The following STOX2 variants were observed in gnomAD, a reference collection of about 807,000 sequenced individuals.
STOX2 encodes storkhead box 2.
STOX2 carries 28 observed loss-of-function variants against 60.9 expected under a neutral mutation model. The observed-to-expected ratio is 0.46, with a 90% CI of 0.34 to 0.63. STOX2 has a LOEUF of 0.63. Ranked by LOEUF, STOX2 falls within the 30% of genes least tolerant of loss-of-function variation. The pLI, the probability that STOX2 is intolerant of heterozygous loss-of-function variation, is 0.01. For missense variants in STOX2, 1,024 were observed against 1,187.7 expected, an observed-to-expected ratio of 0.86 and a Z score of 2.03; for synonymous variants, 472 against 463.9, an observed-to-expected ratio of 1.02 and a Z score of -0.22.
intron 1 of STOX2, among the ~76,000 whole-genome samples, chr4:183,886,324 G>GA (rs1276420829): frequency 4.3e-4 from 64 of 148,492 alleles, no homozygotes; most frequent in East Asian, 8.1e-4. Flanking sequence ...GCAAGATCAG[G>GA]GTCACTAGGA....
chr4:183,877,716 T>C (rs889287521), intron 1 of STOX2, among the ~76,000 whole-genome samples: 1 of 152,186 alleles, frequency 6.6e-6, no homozygotes, highest in African/African-American at 2.4e-5. Flanking sequence ...AATCTCGCTC[T>C]GTCTCCCAGG....
intron 1 of STOX2, among the ~76,000 whole-genome samples, chr4:183,915,183 G>A (rs991729577): frequency 6.6e-6 from 1 of 152,184 alleles, no homozygotes; most frequent in Admixed American, 6.5e-5. Context: ...TGGGCAGTCG[G>A]GGTAGCAGGA....
Position 183,865,241 on chromosome 4 carries a change from A to C in STOX2, c.364+67186A>C, listed in dbSNP as rs1290875399. Among the ~76,000 whole-genome samples, 1 of 152,228 alleles carries C rather than the reference A, an allele frequency of 6.6e-6. No homozygotes were observed. The highest frequency in any genetic ancestry group is 1.5e-5 in the Non-Finnish European group (1 of 68,040). On this transcript the variant is annotated intron_variant, in intron 1 of 2. Transcript: ENST00000513034. This position sits in a 1 kb window ranked among gnomAD's most constrained non-coding sequence, Gnocchi z 4.1. ...TTGTACACAGCACAAACTCCATTGAATGAAAAAAATAGTTTATATTTTGTT... is the reference window on the plus strand; with the variant it reads ...TTGTACACAGCACAAACTCCATTGACTGAAAAAAATAGTTTATATTTTGTT...
At chr4:183,834,348 G>A (rs1466535149) in intron 1 of STOX2, among the ~76,000 whole-genome samples, 1 of 152,150 alleles carries the variant, frequency 6.6e-6, no homozygotes, top group Non-Finnish European at 1.5e-5. Context: ...TGATCAACCT[G>A]TGACTACCTT....
chr4:183,816,206 C>T (rs1471076142), intron 1 of STOX2, among the ~76,000 whole-genome samples: 2 of 152,142 alleles, frequency 1.3e-5, no homozygotes, highest in Non-Finnish European at 2.9e-5. Flanking sequence ...GCCAGTTAGC[C>T]TTAGTCATAA....
At chr4:183,798,629 T>C in intron 1 of STOX2, 1 of 985,274 alleles carries the variant, frequency 1.0e-6, no homozygotes, top group Non-Finnish European at 1.2e-6. Flanking sequence ...TCGTCTTAAA[T>C]GTCTCACCTG....
chr4:183,894,532 G>T (rs1270925466), intron 1 of STOX2, among the ~76,000 whole-genome samples: 2 of 151,568 alleles, frequency 1.3e-5, no homozygotes, highest in Non-Finnish European at 2.9e-5. Flanking sequence ...AATAGTGTCT[G>T]GGATTTAAAT....
chr4:183,984,032 CT>C (rs1266895394), intron 1 of STOX2, among the ~76,000 whole-genome samples: 2 of 152,226 alleles, frequency 1.3e-5, no homozygotes, highest in African/African-American at 4.8e-5. Flanking sequence ...GCCTGCCTGC[CT>C]TATGATCCCC....
At chr4:183,897,497 A>C (rs986797040) in intron 1 of STOX2, among the ~76,000 whole-genome samples, 22 of 152,154 alleles carry the variant, frequency 1.4e-4, no homozygotes, top group Admixed American at 4.6e-4. Context: ...TAAAAAGGGG[A>C]CTGCAAATCG....
At chr4:183,867,746 T>C (rs6856005) in intron 1 of STOX2, among the ~76,000 whole-genome samples, 148,625 of 152,268 alleles carry the variant, frequency 0.98, 72,636 homozygotes, top group East Asian at 1. Context: ...TTAATCGTGC[T>C]CCCTTGCTGC....
At chr4:183,804,278 T>C (rs1228225347) in intron 1 of STOX2, among the ~76,000 whole-genome samples, 2 of 152,184 alleles carry the variant, frequency 1.3e-5, no homozygotes, top group Non-Finnish European at 2.9e-5. Flanking sequence ...ACCCAGGCCC[T>C]GGGATGCTAG....
At position 183,892,378 on chromosome 4, in the gene STOX2, A is replaced by G. The variant is rs372544191; in HGVS notation, c.364+94323A>G. ...ACTGCAAGCTCCGCCTCCCGGGTTC[A>G]CGCCATTCTCCTGCCTCAGCCTCCC... On this transcript the variant is annotated intron_variant, in intron 1 of 2. Coordinates refer to the STOX2 transcript ENST00000513034. Among the ~76,000 whole-genome samples the G allele has an allele frequency of 2.5e-4, 38 of 152,266 alleles. 2 individuals are homozygous for G. The East Asian group carries it at 6.2e-3, about 25-fold the overall frequency.
At chr4:183,892,447 T>A (rs917697261) in intron 1 of STOX2, among the ~76,000 whole-genome samples, 1 of 150,360 alleles carries the variant, frequency 6.7e-6, no homozygotes, top group Non-Finnish European at 1.5e-5. Flanking sequence ...CCCGGCTAAT[T>A]TTTTTTGTAT....
At chr4:183,924,189 G>A (rs531640362) in intron 1 of STOX2, among the ~76,000 whole-genome samples, 25 of 152,258 alleles carry the variant, frequency 1.6e-4, no homozygotes, top group African/African-American at 2.2e-4. Context: ...GCAAACCAGC[G>A]TTGCCTGTTC....
intron 1 of STOX2, among the ~76,000 whole-genome samples, chr4:183,851,046 GAAAC>G (rs1740114009): frequency 7.0e-6 from 1 of 143,682 alleles, no homozygotes; most frequent in Non-Finnish European, 1.5e-5. Flanking sequence ...AAGGATGAGA[GAAAC>G]GATGAGAGAA....
At chr4:183,933,999 A>C (rs1029109838) in intron 1 of STOX2, among the ~76,000 whole-genome samples, 1 of 152,212 alleles carries the variant, frequency 6.6e-6, no homozygotes, top group Non-Finnish European at 1.5e-5. Context: ...ACTTGATTCT[A>C]TCTATTTAAA....
chr4:183,934,665 T>G (rs1013860868), intron 1 of STOX2, among the ~76,000 whole-genome samples: 1 of 151,422 alleles, frequency 6.6e-6, no homozygotes, highest in Non-Finnish European at 1.5e-5. Flanking sequence ...ACGAGCCTCC[T>G]TTTTTTTTCA....
intron 1 of STOX2, among the ~76,000 whole-genome samples, chr4:183,955,879 G>A (rs528879211): frequency 6.6e-6 from 1 of 152,308 alleles, no homozygotes; most frequent in East Asian, 1.9e-4. Context: ...ATCTGTAGAG[G>A]ATAATGGTTG....
intron 1 of STOX2, among the ~76,000 whole-genome samples, chr4:183,807,330 C>T (rs1738925989): frequency 1.3e-5 from 2 of 152,058 alleles, no homozygotes; most frequent in Admixed American, 6.6e-5. Context: ...AGGGGCACCA[C>T]GGTGGATATG....
Sources: gnomAD v4.1 joint callset for allele counts (sites outside exome capture counted in the v4.1 genomes callset) on GRCh38, gnomAD v4.1.1 for gene constraint, Gnocchi (gnomAD v3.1) non-coding constraint, MANE v1.5 for transcripts, NCBI Gene and HGNC (gene_info 2026-07-23, HGNC 2026-07-21) for gene names.